C11orf65: variants seen among roughly 807,000 people sequenced by gnomAD.
C11orf65 encodes protein MFI.
Under a neutral mutation model 35.3 loss-of-function variants are expected in C11orf65, and 38 were observed. The observed-to-expected ratio is 1.08, with a 90% CI of 0.83 to 1.41. The LOEUF (loss-of-function observed/expected upper bound fraction) is 1.41, where lower values mean the gene tolerates loss of function less well. C11orf65 is among the 40% of genes most tolerant of loss of function. The pLI, the probability that C11orf65 is intolerant of heterozygous loss-of-function variation, is 0.00. For missense variants in C11orf65, 370 were observed against 367.1 expected (o/e 1.01, Z -0.06); for synonymous variants, 105 against 114.4 (o/e 0.92, Z 0.53).
downstream of C11orf65, chr11:108,327,536 C>T (rs889471797): frequency 1.2e-6 from 1 of 846,696 alleles, no homozygotes; most frequent in Non-Finnish European, 1.9e-6. Context: ...TTTTTTCCCA[C>T]CCACCAAGGA....
intron 2 of C11orf65, chr11:108,369,072 G>A (rs968197352): frequency 5.8e-6 from 1 of 172,938 alleles, no homozygotes; most frequent in African/African-American, 2.4e-5. Context: ...TTATTATAAA[G>A]TGTTTTTGAA....
downstream of C11orf65, chr11:108,327,318 T>C (rs1156908915): frequency 1.0e-5 from 3 of 290,200 alleles, no homozygotes; most frequent in African/African-American, 6.6e-5. Flanking sequence ...CAAATTGGGG[T>C]AATAATAGTA....
At chr11:108,337,246 A>G (rs914793793) in intron 2 of C11orf65, among the ~76,000 whole-genome samples, 3 of 152,114 alleles carry the variant, frequency 2.0e-5, no homozygotes, top group Non-Finnish European at 1.5e-5. Flanking sequence ...GGAAAGCACA[A>G]TTTTTTCCGT....
chr11:108,328,749 A>G (rs976605462), downstream of C11orf65, among the ~76,000 whole-genome samples: 1 of 152,206 alleles, frequency 6.6e-6, no homozygotes, highest in Non-Finnish European at 1.5e-5. Flanking sequence ...ACTAACATTA[A>G]TGATAGCTAA....
chr11:108,354,702 GATT>G (rs2089667614), intron 2 of C11orf65: 3 of 989,886 alleles, frequency 3.0e-6, no homozygotes, highest in Non-Finnish European at 4.9e-6. Context: ...CAGATATGTA[GATT>G]ATTAAGCATA....
intron 2 of C11orf65, among the ~76,000 whole-genome samples, chr11:108,372,043 G>A (rs2091588146): frequency 6.6e-6 from 1 of 152,172 alleles, no homozygotes; most frequent in Non-Finnish European, 1.5e-5. Flanking sequence ...TTCAAAACCT[G>A]ATTCTGTGTA....
intron 2 of C11orf65, among the ~76,000 whole-genome samples, chr11:108,438,929 G>C (rs12289561): frequency 0.2 from 30,736 of 151,700 alleles, 3,816 homozygotes; most frequent in African/African-American, 0.34. Context: ...TCATTTGAAC[G>C]CAGGAGGCAG....
At position 108,335,889 on chromosome 11, in the gene C11orf65, C is replaced by G. The variant is rs1183442138; in HGVS notation, c.227-597G>C. On this transcript the variant is annotated intron_variant, in intron 2 of 3. Transcript: ENST00000524755. ...AAGATGCTGTCATGCAACAGGTCTT[C>G]CAGATGTGTAATACATTACTGCAGA... 6.2e-7 allele frequency: 1 copy of G among 1,613,864 alleles called. No individual in the cohort carries two copies. Among genetic ancestry groups the G allele is most frequent in the Non-Finnish European group, 8.5e-7 (1 of 1,179,974 alleles).
At chr11:108,362,885 C>T (rs1330601066) in intron 2 of C11orf65, among the ~76,000 whole-genome samples, 2 of 151,380 alleles carry the variant, frequency 1.3e-5, no homozygotes, top group Non-Finnish European at 2.9e-5. Flanking sequence ...ACCAGCATGG[C>T]ATATGTATAC....
chr11:108,389,398 T>C (rs1004148974), intron 7 of C11orf65, among the ~76,000 whole-genome samples: 9 of 152,362 alleles, frequency 5.9e-5, no homozygotes, highest in Non-Finnish European at 1.3e-4. Flanking sequence ...TACTGAAATA[T>C]ACCCAGATAA....
intron 6 of C11orf65, among the ~76,000 whole-genome samples, chr11:108,321,110 T>C (rs888342872): frequency 6.6e-6 from 1 of 152,214 alleles, no homozygotes; most frequent in East Asian, 1.9e-4. Flanking sequence ...GGACCATGCA[T>C]TTAAATTTGT....
downstream of C11orf65, chr11:108,331,337 C>A: frequency 2.0e-6 from 3 of 1,472,296 alleles, no homozygotes; most frequent in South Asian, 2.8e-5. Flanking sequence ...TTTTGTTAAC[C>A]ACTTGTGCTA....
intron 6 of C11orf65, among the ~76,000 whole-genome samples, chr11:108,313,861 T>G (rs141308789): frequency 1.1e-3 from 162 of 152,306 alleles, no homozygotes; most frequent in Admixed American, 2.0e-3. Flanking sequence ...TGCAGTATAG[T>G]TCCTAGTTTT....
At chr11:108,417,307 C>T (rs1302249399) in intron 3 of C11orf65, among the ~76,000 whole-genome samples, 1 of 152,056 alleles carries the variant, frequency 6.6e-6, no homozygotes, top group Non-Finnish European at 1.5e-5. Context: ...CTTTGGGAGG[C>T]CGAGGCAGGA....
chr11:108,444,276 G>A (rs893068923), intron 2 of C11orf65, among the ~76,000 whole-genome samples: 3 of 151,958 alleles, frequency 2.0e-5, no homozygotes, highest in Admixed American at 2.0e-4. Flanking sequence ...CCATGAAGAT[G>A]AATCCCTGAA....
intron 6 of C11orf65, among the ~76,000 whole-genome samples, chr11:108,395,413 C>T (rs1032039966): frequency 1.3e-5 from 2 of 151,684 alleles, no homozygotes; most frequent in Non-Finnish European, 2.9e-5. Context: ...CAACCTCCAC[C>T]TCCCGGGTTC....
At chr11:108,363,699 T>C (rs2091044644) in intron 2 of C11orf65, among the ~76,000 whole-genome samples, 2 of 152,216 alleles carry the variant, frequency 1.3e-5, no homozygotes, top group African/African-American at 4.8e-5. Context: ...GCTTAATCAG[T>C]CTGTATTCCT....
chr11:108,338,690 A>G (rs1387341710), intron 2 of C11orf65, among the ~76,000 whole-genome samples: 2 of 152,040 alleles, frequency 1.3e-5, no homozygotes, highest in Admixed American at 1.3e-4. Context: ...GGTAACCCAG[A>G]TAATTAATTA....
downstream of C11orf65, chr11:108,327,692 T>C (rs878853537): frequency 6.2e-7 from 1 of 1,614,072 alleles, no homozygotes; most frequent in Non-Finnish European, 8.5e-7. Flanking sequence ...TGAGGGTTTG[T>C]GGCAACTGGT....
Sources: allele counts gnomAD v4.1 joint callset (sites outside exome capture counted in the v4.1 genomes callset), GRCh38; gene constraint gnomAD v4.1.1; transcripts MANE v1.5; gene names NCBI Gene and HGNC (gene_info 2026-07-23, HGNC 2026-07-21).